Variants in CACNA1A observed in about 807,000 individuals in gnomAD.
CACNA1A encodes voltage-dependent P/Q-type calcium channel subunit alpha-1A.
Under a neutral mutation model 262.4 loss-of-function variants are expected in CACNA1A, and 57 were observed. The observed-to-expected ratio is 0.22, with a 90% confidence interval of 0.18 to 0.27. The LOEUF is 0.27. Among genes scored for constraint, CACNA1A ranks in the 10% least tolerant of loss-of-function variants. The probability of loss-of-function intolerance (pLI) is 1.00; values close to 1 mark genes in which losing one functional copy is unlikely to be tolerated. For synonymous variants in CACNA1A, 1,431 were observed against 1,419.3 expected, an observed-to-expected ratio of 1.01 and a Z score of -0.18; for missense variants, 2,526 against 3,562.8, an observed-to-expected ratio of 0.71 and a Z score of 7.41.
At chr19:13,442,785 G>A (rs2060747412) in intron 3 of CACNA1A, among the ~76,000 whole-genome samples, 1 of 152,162 alleles carries the variant, frequency 6.6e-6, no homozygotes, top group Non-Finnish European at 1.5e-5. Context: ...TTCTGCTCCT[G>A]TTTTCCCCCA....
In CACNA1A at chr19:13,262,737, G is replaced by A; in HGVS notation, c.4086C>T (p.Leu1362=). 6.2e-7 allele frequency: 1 copy of A among 1,602,938 alleles called. No individual in the cohort carries two copies. The highest frequency in any genetic ancestry group is 1.1e-5 in the South Asian group (1 of 90,526). The change falls in exon 25 of 47, where the codon CTC becomes CTT. Residue 1362 remains leucine (L), a synonymous_variant. Coordinates refer to ENST00000360228, the MANE Select transcript of CACNA1A (RefSeq NM_001127222.2). ...PLKTIKRLPK[L]KAVFDCVVNS... is the part of the protein sequence containing the mutation. ...CCCCACCATCTCCCAATCTCACCTTGAGCTTTGGCAGCCGCTTGATGGTTT... is the reference window on the plus strand; with the variant it reads ...CCCCACCATCTCCCAATCTCACCTTAAGCTTTGGCAGCCGCTTGATGGTTT...
chr19:13,473,167 T>C (rs1293249277), intron 1 of CACNA1A, among the ~76,000 whole-genome samples: 3 of 151,500 alleles, frequency 2.0e-5, no homozygotes, highest in African/African-American at 4.9e-5. Context: ...GGTGGGAGGA[T>C]TGTTTGATGC....
rs1206254716 is a variant in CACNA1A at position 13,308,346 on chromosome 19, C to T, written c.1781+70G>A. 2.5e-5 allele frequency: 39 copies of T among 1,548,012 alleles called. No individual in the cohort carries two copies. The highest frequency in any genetic ancestry group is 3.4e-5 in the Non-Finnish European group (39 of 1,140,972). On this transcript the variant is annotated intron_variant, in intron 13 of 46. Coordinates refer to ENST00000360228, the MANE Select transcript of CACNA1A (RefSeq NM_001127222.2). The surrounding 1 kb of genome is among the most constrained non-coding windows in gnomAD (Gnocchi z 4.2). ...ACACGAGGCTCACTTTCCCAACTTT[C>T]TGGAGGCGGCCCCACCATGTCCCCC...
At chr19:13,208,691 A>AT in intron 46 of CACNA1A, 65 bp downstream of exon 46, 11 of 1,489,614 alleles carry the variant, frequency 7.4e-6, no homozygotes, top group Non-Finnish European at 9.8e-6. Flanking sequence ...TGGATGGGGT[A>AT]TCCCCTTCTC....
At chr19:13,497,521 AATATATATATAT>A (rs1568709638) in intron 1 of CACNA1A, among the ~76,000 whole-genome samples, 57 of 12,558 alleles carry the variant, frequency 4.5e-3, no homozygotes, top group Non-Finnish European at 7.2e-3. Context: ...AAAAAAAAAA[AATATATATATAT>A]ATATATATAT....
chr19:13,212,271 T>C lies in CACNA1A; in HGVS notation c.6190-55A>G, dbSNP rs1049605424. The C allele has an allele frequency of 6.3e-7, 1 of 1,582,622 alleles. No homozygotes were observed. ...CTCTGGGGCCTGACCTCCAGATCCC[T>C]GGTGTCTGCAGAGGGAGGGAGCTGC... On this transcript the variant is annotated intron_variant, in intron 42 of 46. Transcript: ENST00000360228. The surrounding 1 kb of genome is among the most constrained non-coding windows in gnomAD (Gnocchi z 5.6).
At chr19:13,259,467 CG>C in intron 27 of CACNA1A, 96 bp downstream of exon 27, 5 of 1,232,466 alleles carry the variant, frequency 4.1e-6, no homozygotes, top group Non-Finnish European at 5.6e-6. Flanking sequence ...CCACCATGCC[CG>C]GCCTCCAAGA....
chr19:13,328,890 T>C (rs928732429), intron 10 of CACNA1A, among the ~76,000 whole-genome samples: 4 of 151,624 alleles, frequency 2.6e-5, no homozygotes, highest in Non-Finnish European at 5.9e-5. Flanking sequence ...CTAACTTCCC[T>C]CCTTCCTTCA....
intron 6 of CACNA1A, among the ~76,000 whole-genome samples, chr19:13,348,529 C>T (rs2058836227): frequency 1.3e-5 from 2 of 151,986 alleles, no homozygotes; most frequent in Non-Finnish European, 2.9e-5. Flanking sequence ...ATGTTGAAAC[C>T]CAGTCTCTGT....
chr19:13,211,544 G>C (rs993005850), intron 43 of CACNA1A: 5 of 153,982 alleles, frequency 3.2e-5, no homozygotes, highest in African/African-American at 1.2e-4. Context: ...CCCAGACTCT[G>C]CTACTGTATC....
chr19:13,241,471 G>T lies in CACNA1A; in HGVS notation c.4950+3711C>A. On this transcript the variant is annotated intron_variant, in intron 31 of 46. Transcript: ENST00000360228. The surrounding 1 kb of genome is among the most constrained non-coding windows in gnomAD (Gnocchi z 4.0). Reference sequence around the variant, plus strand: ...ATGCAATGCCGACGCGAGGAGATGCGTTCACAGTTAATGTAAGGCATTTAG... The same window carrying T: ...ATGCAATGCCGACGCGAGGAGATGCTTTCACAGTTAATGTAAGGCATTTAG... 8.2e-7 allele frequency: 1 copy of T among 1,220,784 alleles called. No homozygotes were observed. The highest frequency in any genetic ancestry group is 1.1e-6 in the Non-Finnish European group (1 of 902,558). 75.6% of individuals were successfully genotyped at this position (1,220,784 alleles called of 1,614,324 possible). A position where few individuals can be genotyped will look rare whatever the true frequency, so the allele number is the denominator to read the frequency against.
chr19:13,310,022 C>G (rs989406491), intron 12 of CACNA1A, among the ~76,000 whole-genome samples: 1 of 152,160 alleles, frequency 6.6e-6, no homozygotes, highest in East Asian at 1.9e-4. Flanking sequence ...TACTTTCTGT[C>G]TCTATGGATT....
chr19:13,212,819 C>T lies in CACNA1A; in HGVS notation c.5941-79G>A. ...TGGTACCCAGAAGGCATTGCGACAT[C>T]CCCAGTATACACACACACACACACA... On this transcript the variant is annotated intron_variant, in intron 40 of 46. Coordinates refer to ENST00000360228, the MANE Select transcript of CACNA1A (RefSeq NM_001127222.2). This position sits in a 1 kb window ranked among gnomAD's most constrained non-coding sequence, Gnocchi z 5.6. 1 of 609,014 alleles carries T rather than the reference C, an allele frequency of 1.6e-6. No individual in the cohort carries two copies. Among genetic ancestry groups the T allele is most frequent in the Non-Finnish European group, 2.8e-6 (1 of 357,668 alleles). 37.7% of individuals were successfully genotyped at this position (609,014 alleles called of 1,614,324 possible).
rs1405837275 is a variant in CACNA1A at position 13,429,824 on chromosome 19, G to A, written c.539+23052C>T. Among the ~76,000 whole-genome samples the A allele has an allele frequency of 2.0e-5, 3 of 151,776 alleles. No individual in the cohort carries two copies. In the East Asian group the frequency reaches 5.8e-4, roughly 29 times the overall value. ...TTCTGACTCATGCTACAATATGGAT[G>A]AGACTGGAGGACATTATGCTCCACG... On this transcript the variant is annotated intron_variant, in intron 3 of 46. Coordinates refer to ENST00000360228, the MANE Select transcript of CACNA1A (RefSeq NM_001127222.2).
chr19:13,331,375 TA>T, intron 9 of CACNA1A, among the ~76,000 whole-genome samples: 1 of 151,650 alleles, frequency 6.6e-6, no homozygotes, highest in East Asian at 2.0e-4. Context: ...TAGCTGGGAT[TA>T]CAGGCGTGTG....
chr19:13,374,539 T>G (rs2059373881), intron 3 of CACNA1A, among the ~76,000 whole-genome samples: 1 of 151,484 alleles, frequency 6.6e-6, no homozygotes, highest in African/African-American at 2.4e-5. Flanking sequence ...TATGAGCTAC[T>G]GCACTTGGCC....
intron 3 of CACNA1A, among the ~76,000 whole-genome samples, chr19:13,415,210 G>C (rs1018212488): frequency 6.6e-6 from 1 of 152,054 alleles, no homozygotes; most frequent in Non-Finnish European, 1.5e-5. Context: ...CTCCGAGACA[G>C]AGAGAAGGCG....
At chr19:13,320,215 A>T (rs1502022) in intron 10 of CACNA1A, among the ~76,000 whole-genome samples, 23,649 of 146,268 alleles carry the variant, frequency 0.16, 2,065 homozygotes, top group African/African-American at 0.23. Flanking sequence ...ACCTTGGGGG[A>T]CAGGGGGGAT....
At chr19:13,459,237 G>A (rs987074532) in intron 1 of CACNA1A, among the ~76,000 whole-genome samples, 3 of 152,076 alleles carry the variant, frequency 2.0e-5, no homozygotes, top group Non-Finnish European at 4.4e-5. Flanking sequence ...CTCCTCTTCT[G>A]CCCTGGAGTT....
Sources: gnomAD v4.1 joint callset for allele counts (sites outside exome capture counted in the v4.1 genomes callset) on GRCh38, gnomAD v4.1.1 for gene constraint, Gnocchi (gnomAD v3.1) non-coding constraint, MANE v1.5 for transcripts, NCBI Gene and HGNC (gene_info 2026-07-23, HGNC 2026-07-21) for gene names.